HCRTR1: variants seen among roughly 807,000 people sequenced by gnomAD.
The protein encoded by HCRTR1 is orexin/Hypocretin receptor type 1.
In HCRTR1, 28 loss-of-function variants were observed where a neutral mutation model predicts 40.6. The observed-to-expected ratio is 0.69, with a 90% CI of 0.51 to 0.95. The LOEUF (loss-of-function observed/expected upper bound fraction) is 0.95. Ranked by LOEUF, HCRTR1 falls within the 40% of genes least tolerant of loss-of-function variation. HCRTR1 has a pLI of 0.00. For missense variants in HCRTR1, 482 were observed against 564.7 expected (o/e 0.85, Z 1.48); for synonymous variants, 209 against 230.0 (o/e 0.91, Z 0.83).
downstream of HCRTR1, among the ~76,000 whole-genome samples, chr1:31,627,854 C>T (rs922070229): frequency 6.6e-6 from 1 of 152,200 alleles, no homozygotes; most frequent in African/African-American, 2.4e-5. Flanking sequence ...CAACTGTCTG[C>T]TCACAGGCCC....
chr1:31,627,824 C>T (rs1210168371), downstream of HCRTR1, among the ~76,000 whole-genome samples: 1 of 152,154 alleles, frequency 6.6e-6, no homozygotes, highest in Non-Finnish European at 1.5e-5. Flanking sequence ...CCTGTGACGC[C>T]GGGACCTCAC....
At chr1:31,633,101 T>C, downstream of HCRTR1, 1 of 1,554,020 alleles carries the variant, frequency 6.4e-7, no homozygotes, top group South Asian at 1.2e-5. Context: ...ACCCACCTAC[T>C]GTCCACTATC....
At chr1:31,620,156 G>A (rs1199463886) in intron 4 of HCRTR1, among the ~76,000 whole-genome samples, 1 of 152,210 alleles carries the variant, frequency 6.6e-6, no homozygotes, top group Non-Finnish European at 1.5e-5. Flanking sequence ...AAACCAGGAT[G>A]TCCGGATGGG....
At chr1:31,624,391 G>A (rs897404172) in intron 7 of HCRTR1, among the ~76,000 whole-genome samples, 1 of 148,922 alleles carries the variant, frequency 6.7e-6, no homozygotes, top group African/African-American at 2.5e-5. Context: ...AGGAGGTTGA[G>A]GCTGCAGCGA....
At chr1:31,618,606 G>A (rs550443700) in intron 1 of HCRTR1, 150 bp from the exon 2 acceptor site, 1 of 152,610 alleles carries the variant, frequency 6.6e-6, no homozygotes, top group Admixed American at 6.5e-5. Context: ...CCAAATCTAC[G>A]GTGTTTGGTG....
downstream of HCRTR1, chr1:31,633,413 A>G (rs1640170858): frequency 3.9e-6 from 5 of 1,275,936 alleles, no homozygotes; most frequent in Admixed American, 5.5e-5. Flanking sequence ...GAAGCTTCAC[A>G]AATTCACCTT....
intron 4 of HCRTR1, 82 bp downstream of exon 4, chr1:31,619,792 C>T (rs1639814081): frequency 1.5e-6 from 2 of 1,320,084 alleles, no homozygotes; most frequent in Non-Finnish European, 2.1e-6. Flanking sequence ...TCAGTGACCC[C>T]CAGACTTGCC....
rs6660179 is a variant in HCRTR1, at chr1:31,625,809, T to A, written c.1087+691T>A. 6.6e-6 allele frequency among the ~76,000 whole-genome samples: 1 copy of A among 152,172 alleles called. No individual in the cohort carries two copies. On this transcript the variant is annotated intron_variant, in intron 8 of 8. Coordinates refer to ENST00000403528, the MANE Select transcript of HCRTR1 (RefSeq NM_001525.3). This position sits in a 1 kb window ranked among gnomAD's most constrained non-coding sequence, Gnocchi z 4.2. ...CTCACCAGCCCTCTGACTTTGGGAA[T>A]AGACTTCTAAAGAACAGGTCCAGAT...
downstream of HCRTR1, chr1:31,632,725 T>C: frequency 2.0e-6 from 3 of 1,482,248 alleles, no homozygotes; most frequent in Non-Finnish European, 2.7e-6. Context: ...GCAGCCCTTC[T>C]CTCCAGGCTG....
chr1:31,632,770 C>T (rs1640146570), downstream of HCRTR1: 3 of 1,086,438 alleles, frequency 2.8e-6, no homozygotes, highest in Non-Finnish European at 3.9e-6. Context: ...GCCCTGAGGC[C>T]CAGATGCCTG....
chr1:31,626,735 C>T lies in HCRTR1; in HGVS notation c.1088-55C>T. ...TGCGTGGGTGTCCCTGGGCTCAAGG[C>T]CCCTTCCTGCTGCATCTGTCTCCTT... On this transcript the variant is annotated intron_variant, in intron 8 of 8. Coordinates refer to ENST00000403528, the MANE Select transcript of HCRTR1 (RefSeq NM_001525.3). The surrounding 1 kb of genome is among the most constrained non-coding windows in gnomAD (Gnocchi z 4.6). 1 of 1,361,268 alleles carries T rather than the reference C, an allele frequency of 7.3e-7. No individual in the cohort carries two copies. The highest frequency in any genetic ancestry group is 9.8e-7 in the Non-Finnish European group (1 of 1,023,232). 84.3% of individuals were successfully genotyped at this position (1,361,268 alleles called of 1,614,324 possible).
At chr1:31,621,374 C>T in intron 5 of HCRTR1, 103 bp from the exon 6 acceptor site, 1 of 946,230 alleles carries the variant, frequency 1.1e-6, no homozygotes, top group Non-Finnish European at 1.7e-6. Context: ...CCAGCTGCTC[C>T]TAGGCCTTGC....
chr1:31,620,036 A>G (rs10914455), intron 4 of HCRTR1, among the ~76,000 whole-genome samples: 12,678 of 152,170 alleles, frequency 0.083, 704 homozygotes, highest in African/African-American at 0.15. Context: ...TGACACATAC[A>G]CGACACCCTA....
chr1:31,632,035 G>T (rs1410195847), downstream of HCRTR1, among the ~76,000 whole-genome samples: 3 of 152,216 alleles, frequency 2.0e-5, no homozygotes, highest in Admixed American at 1.3e-4. Flanking sequence ...TTCCCCAACT[G>T]CAACTTTTAG....
In HCRTR1 at chr1:31,619,142, C is replaced by A; in HGVS notation, c.-51C>A. 2 of 1,534,318 alleles carry A rather than the reference C, an allele frequency of 1.3e-6. No individual in the cohort carries two copies. The highest frequency in any genetic ancestry group is 1.4e-5 in the African/African-American group (1 of 73,536). ...TGAGGGCTGGCCCAAGCTCCCTCCT[C>A]TCCCTCTGTAGAGCCTAGGATGCCC... On this transcript the variant is annotated 5_prime_UTR_variant, in exon 3 of 9. Coordinates refer to ENST00000403528, the MANE Select transcript of HCRTR1 (RefSeq NM_001525.3).
In HCRTR1 at chr1:31,619,119, A is replaced by G; in HGVS notation, c.-74A>G. The G allele has an allele frequency of 4.4e-6, 6 of 1,354,318 alleles. No individual in the cohort carries two copies. Among genetic ancestry groups the G allele is most frequent in the Non-Finnish European group, 6.1e-6 (6 of 981,650 alleles). The allele number at this position is 1,354,318 out of a possible 1,614,324, so 83.9% of individuals were successfully genotyped here. A position where few individuals can be genotyped will look rare whatever the true frequency, so the allele number is the denominator to read the frequency against. The stretch of plus-strand genomic sequence containing the variant: ...CAGGCACCCTGAAGGGAGTGGGCTG[A>G]GGGCTGGCCCAAGCTCCCTCCTCTC... On this transcript the variant is annotated 5_prime_UTR_variant, in exon 3 of 9. Coordinates refer to ENST00000403528, the MANE Select transcript of HCRTR1 (RefSeq NM_001525.3).
intron 4 of HCRTR1, 143 bp downstream of exon 4, chr1:31,619,853 T>C: frequency 1.4e-6 from 1 of 729,722 alleles, no homozygotes; most frequent in East Asian, 2.7e-5. Context: ...CCTCTGCTGC[T>C]AGCAAGGGCA....
Position 31,626,523 on chromosome 1 carries a change from C to T in HCRTR1, c.1088-267C>T, listed in dbSNP as rs973474109. On this transcript the variant is annotated intron_variant, in intron 8 of 8. Transcript: ENST00000403528. The surrounding 1 kb of genome is among the most constrained non-coding windows in gnomAD (Gnocchi z 4.6). ...CCTGAGGCCCCCGAGCCAGACACCA[C>T]GTTTTGAGTCAGCCTCCGAGCCAGA... is the stretch of plus-strand genomic sequence containing the variant. Among the ~76,000 whole-genome samples the T allele has an allele frequency of 2.0e-5, 3 of 152,148 alleles. No homozygotes were observed. Among genetic ancestry groups the T allele is most frequent in the Non-Finnish European group, 2.9e-5 (2 of 68,038 alleles).
In HCRTR1 at chr1:31,621,023, A is replaced by T; in HGVS notation, c.559A>T (p.Ser187Cys). 6.2e-7 allele frequency: 1 copy of T among 1,613,448 alleles called. No homozygotes were observed. Among genetic ancestry groups the T allele is most frequent in the Non-Finnish European group, 8.5e-7 (1 of 1,179,986 alleles). Residue 187 changes from serine to cysteine, a missense_variant, in exon 5 of 9, where the codon AGT (serine) becomes TGT (cysteine). Coordinates refer to ENST00000403528, the MANE Select transcript of HCRTR1 (RefSeq NM_001525.3). ...VPQAAVMECSSVLPELANRTR... is the reference protein window; with the variant it reads ...VPQAAVMECSCVLPELANRTR... ...CCAGGCTGCAGTCATGGAATGCAGC[A>T]GTGTGCTGCCTGAGCTAGCCAACCG... is the stretch of plus-strand genomic sequence containing the variant.
Sources: allele counts gnomAD v4.1 joint callset (sites outside exome capture counted in the v4.1 genomes callset), GRCh38; gene constraint gnomAD v4.1.1; non-coding constraint Gnocchi (gnomAD v3.1); transcripts MANE v1.5; gene names NCBI Gene and HGNC (gene_info 2026-07-23, HGNC 2026-07-21).